The following ALPK3 variants were observed in gnomAD, a reference collection of about 807,000 sequenced individuals.
ALPK3 encodes the protein alpha kinase 3.
ALPK3 carries 102 observed loss-of-function variants against 140.0 expected under a neutral mutation model. That is an observed-to-expected ratio of 0.73 (90% CI 0.62 to 0.86). The LOEUF is 0.86. ALPK3 is among the 40% of genes least tolerant of loss of function. The pLI is 0.00. For synonymous variants in ALPK3, 938 were observed against 898.5 expected, an observed-to-expected ratio of 1.04 and a Z score of -0.79; for missense variants, 2,254 against 2,208.2, an observed-to-expected ratio of 1.02 and a Z score of -0.42.
At position 84,866,438 on chromosome 15, in the gene ALPK3, G is replaced by A. The variant is rs570953166; in HGVS notation, c.4724-879G>A. Among the ~76,000 whole-genome samples, 5 of 152,252 alleles carry A rather than the reference G, an allele frequency of 3.3e-5. No individual in the cohort carries two copies. In the South Asian group the frequency reaches 1.0e-3, roughly 32 times the overall value. On this transcript the variant is annotated intron_variant, in intron 12 of 13. Coordinates refer to ENST00000258888, the MANE Select transcript of ALPK3 (RefSeq NM_020778.5). Reference sequence around the variant, plus strand: ...TGGTAGAGCTGAAATGTAAATCCAGGTCTGTCTGACTCCAGAGGCCACATT... The same window carrying A: ...TGGTAGAGCTGAAATGTAAATCCAGATCTGTCTGACTCCAGAGGCCACATT...
At chr15:84,839,133 T>A (rs555162395) in intron 4 of ALPK3, 36 bp downstream of exon 4, 2 of 1,546,580 alleles carry the variant, frequency 1.3e-6, no homozygotes, top group Admixed American at 1.8e-5. Flanking sequence ...CTCTCTGCCC[T>A]CCCGAGGGCC....
chr15:84,824,489 T>G (rs575459926), intron 2 of ALPK3, among the ~76,000 whole-genome samples: 1 of 152,232 alleles, frequency 6.6e-6, no homozygotes, highest in Non-Finnish European at 1.5e-5. Flanking sequence ...GATTTCAGAA[T>G]AGCTAACTGG....
Position 84,820,777 on chromosome 15 carries a change from C to G in ALPK3, c.144-2553C>G, listed in dbSNP as rs112083179. On this transcript the variant is annotated intron_variant, in intron 1 of 13. Transcript: ENST00000258888. ...GATTACAGGCATGAGCCACCATGCC[C>G]GGTTTAGATTTTAATTATTTATTTT... 1.7e-3 allele frequency among the ~76,000 whole-genome samples: 254 copies of G among 152,236 alleles called. 3 individuals are homozygous for G. Among genetic ancestry groups the G allele is most frequent in the African/African-American group, 5.9e-3 (244 of 41,534 alleles).
intron 4 of ALPK3, 74 bp from the exon 5 acceptor site, chr15:84,839,628 G>A: frequency 1.3e-6 from 2 of 1,498,228 alleles, no homozygotes; most frequent in Non-Finnish European, 1.8e-6. Flanking sequence ...GGCTCTGAAC[G>A]GCTCTGGCTG....
At chr15:84,829,619 G>A (rs1470162655) in intron 3 of ALPK3, among the ~76,000 whole-genome samples, 1 of 152,212 alleles carries the variant, frequency 6.6e-6, no homozygotes, top group Non-Finnish European at 1.5e-5. Context: ...GGGTGCACAT[G>A]CGCAGTAGCT....
intron 2 of ALPK3, among the ~76,000 whole-genome samples, chr15:84,826,106 A>G (rs1596145978): frequency 6.6e-6 from 1 of 152,212 alleles, no homozygotes; most frequent in African/African-American, 2.4e-5. Context: ...AAACCACAGC[A>G]GGAACCCCAT....
At chr15:84,818,352 A>C (rs2141542894) in intron 1 of ALPK3, among the ~76,000 whole-genome samples, 1 of 152,364 alleles carries the variant, frequency 6.6e-6, no homozygotes, top group African/African-American at 2.4e-5. Context: ...ATATAAAGAC[A>C]CAAAGACAAT....
At chr15:84,867,282 G>T in intron 12 of ALPK3, 35 bp from the exon 13 acceptor site, 2 of 1,610,570 alleles carry the variant, frequency 1.2e-6, no homozygotes, top group Non-Finnish European at 1.7e-6. Flanking sequence ...AGCCAGCCCA[G>T]ACTGGCATCA....
intron 4 of ALPK3, among the ~76,000 whole-genome samples, chr15:84,839,443 G>T (rs1367866362): frequency 1.3e-5 from 2 of 152,218 alleles, no homozygotes; most frequent in Admixed American, 1.3e-4. Context: ...CTTCTGAAGG[G>T]AGCTCTCCTG....
intron 2 of ALPK3, 21 bp downstream of exon 2, chr15:84,823,389 A>C: frequency 6.2e-7 from 1 of 1,613,530 alleles, no homozygotes; most frequent in Non-Finnish European, 8.5e-7. Context: ...ATTGCACTAC[A>C]TTTCTCTGAC....
At chr15:84,833,034 C>T (rs1272112799) in intron 3 of ALPK3, among the ~76,000 whole-genome samples, 1 of 152,164 alleles carries the variant, frequency 6.6e-6, no homozygotes, top group African/African-American at 2.4e-5. Context: ...AAGCCCAATC[C>T]AAAGGAGCAA....
Position 84,857,387 on chromosome 15 carries a change from G to A in ALPK3, c.2649G>A (p.Pro883=), listed in dbSNP as rs115903792. 2.9e-5 allele frequency: 47 copies of A among 1,614,052 alleles called. 1 individual carries two copies. Among genetic ancestry groups the A allele is most frequent in the African/African-American group, 1.2e-4 (9 of 75,056 alleles). The stretch of plus-strand genomic sequence containing the variant: ...TGACAGCTAGCCCAAAGGCGGGGCC[G>A]TGTAGCACCCCGACTTCTCAGCACG... The part of the protein sequence containing the change: ...TGLTASPKAG[P]CSTPTSQHGS... Residue 883 remains proline (P), a synonymous_variant, in exon 6 of 14, where the codon CCG becomes CCA. Transcript: ENST00000258888.
At chr15:84,859,696 G>A (rs1963918718) in intron 7 of ALPK3, 80 bp from the exon 8 acceptor site, 1 of 1,490,884 alleles carries the variant, frequency 6.7e-7, no homozygotes. Flanking sequence ...AGCAGCCTCT[G>A]AGAGTGGGGT....
In ALPK3 at chr15:84,859,378, A is replaced by T. The variant is rs559547770; in HGVS notation, c.3953A>T (p.Glu1318Val). The T allele has an allele frequency of 6.2e-7, 1 of 1,614,152 alleles. No individual in the cohort carries two copies. Among genetic ancestry groups the T allele is most frequent in the African/African-American group, 1.3e-5 (1 of 75,060 alleles). The change falls in exon 7 of 14, where the codon GAG (glutamate) becomes GTG (valine). Residue 1318 changes from glutamate to valine, a missense_variant. Glu to Val is a moderately radical substitution (Grantham distance 121). Transcript: ENST00000258888. ...TWAKDQRPVG[E>V]VGRSAGDEGP... ...GCCAAGGATCAGCGCCCAGTGGGCG[A>T]GGTGGGCAGGAGGTAAGCCAACGAC...
intron 10 of ALPK3, 39 bp downstream of exon 10, chr15:84,862,954 C>T (rs1304042710): frequency 1.3e-6 from 2 of 1,590,138 alleles, no homozygotes; most frequent in African/African-American, 1.3e-5. Flanking sequence ...CTTTTATTCT[C>T]TCACCCCCTC....
intron 1 of ALPK3, among the ~76,000 whole-genome samples, chr15:84,821,742 T>C (rs1379043893): frequency 6.6e-6 from 1 of 152,008 alleles, no homozygotes; most frequent in African/African-American, 2.4e-5. Flanking sequence ...CCTCTCTCTC[T>C]CTCTCCCTTC....
At chr15:84,859,191 A>G (rs1272899377) in intron 6 of ALPK3, 52 bp from the exon 7 acceptor site, 1 of 1,609,504 alleles carries the variant, frequency 6.2e-7, no homozygotes, top group African/African-American at 1.3e-5. Context: ...GAGAGCAAGG[A>G]TATGGCCAGA....
At chr15:84,832,777 T>C (rs1963557113) in intron 3 of ALPK3, among the ~76,000 whole-genome samples, 1 of 152,196 alleles carries the variant, frequency 6.6e-6, no homozygotes, top group African/African-American at 2.4e-5. Flanking sequence ...ACTTGCCATA[T>C]TGCCTGTTCA....
intron 5 of ALPK3, among the ~76,000 whole-genome samples, chr15:84,843,843 G>T (rs372983107): frequency 2.6e-5 from 4 of 151,824 alleles, no homozygotes; most frequent in Admixed American, 6.6e-5. Context: ...GCTTGTAATC[G>T]CAGTACTTTA....
Sources: gnomAD v4.1 joint callset for allele counts (sites outside exome capture counted in the v4.1 genomes callset) on GRCh38, gnomAD v4.1.1 for gene constraint, MANE v1.5 for transcripts, NCBI Gene and HGNC (gene_info 2026-07-23, HGNC 2026-07-21) for gene names.